RDH12: variants seen among roughly 807,000 people sequenced by gnomAD.
RDH12 encodes the protein retinol dehydrogenase 12.
Under a neutral mutation model 34.0 loss-of-function variants are expected in RDH12, and 21 were observed. The ratio of observed to expected loss-of-function variants is 0.62; its 90% CI spans 0.44 to 0.89. The LOEUF is 0.89. Ranked by LOEUF, RDH12 falls within the 40% of genes least tolerant of loss-of-function variation. The pLI, the probability that RDH12 is intolerant of heterozygous loss-of-function variation, is 0.00. For missense variants in RDH12, 394 were observed against 398.6 expected, an observed-to-expected ratio of 0.99 and a Z score of 0.10; for synonymous variants, 198 against 169.9, an observed-to-expected ratio of 1.17 and a Z score of -1.29.
rs748826639 is a variant in RDH12, at chr14:67,729,196, G to A, written c.664G>A (p.Gly222Arg). ...TTGTGCCCTCTTTGTCCCAGGCACC[G>A]GGGTCACCACCTACGCAGTGCACCC... The part of the protein sequence containing the change: ...RELAKRLQGT[G>R]VTTYAVHPGV... The change falls in exon 8 of 9, where the codon GGG becomes AGG. Residue 222 changes from glycine (G) to arginine (R), a missense_variant. Coordinates refer to ENST00000551171, the MANE Select transcript of RDH12 (RefSeq NM_152443.3). 1.3e-5 allele frequency: 21 copies of A among 1,612,540 alleles called. No individual in the cohort carries two copies. Among genetic ancestry groups the A allele is most frequent in the Non-Finnish European group, 1.7e-5 (20 of 1,179,974 alleles).
Position 67,729,257 on chromosome 14 carries a change from C to A in RDH12, c.725C>A (p.Ser242Tyr). The A allele has an allele frequency of 6.2e-7, 1 of 1,608,970 alleles. No homozygotes were observed. Among genetic ancestry groups the A allele is most frequent in the Non-Finnish European group, 8.5e-7 (1 of 1,179,984 alleles). Residue 242 changes from serine to tyrosine, a missense_variant, in exon 8 of 9, where the codon TCC (serine) becomes TAC (tyrosine). Transcript: ENST00000551171. The part of the protein sequence containing the change: ...VVRSELVRHS[S>Y]LLCLLWRLFS... Reference sequence around the variant, plus strand: ...CGCTCTGAGCTGGTCCGGCACTCCTCCCTGCTCTGCCTGCTCTGGCGGCTC... The same window carrying A: ...CGCTCTGAGCTGGTCCGGCACTCCTACCTGCTCTGCCTGCTCTGGCGGCTC...
chr14:67,707,954 A>G (rs546906920), intron 1 of RDH12, among the ~76,000 whole-genome samples: 2 of 152,322 alleles, frequency 1.3e-5, no homozygotes, highest in South Asian at 2.1e-4. Context: ...TTTGATTCCA[A>G]GGGAAAGCAC....
rs1014229898 is a variant in RDH12, at chr14:67,706,862, T to A, written c.-275+4927T>A. Among the ~76,000 whole-genome samples the A allele has an allele frequency of 2.0e-5, 3 of 152,200 alleles. No individual in the cohort carries two copies. The East Asian group carries it at 5.8e-4, about 29-fold the overall frequency. On this transcript the variant is annotated intron_variant, in intron 1 of 8. Coordinates refer to ENST00000551171, the MANE Select transcript of RDH12 (RefSeq NM_152443.3). ...ATCTCTCTTGGTTAGGATGGTTCGTTCCTAGACAGGTAGGTCCTAAGTTAT... is the reference window on the plus strand; with the variant it reads ...ATCTCTCTTGGTTAGGATGGTTCGTACCTAGACAGGTAGGTCCTAAGTTAT...
rs781099767 is a variant in RDH12, at chr14:67,729,263, T to A, written c.731T>A (p.Leu244His). 1.2e-6 allele frequency: 2 copies of A among 1,607,930 alleles called. No homozygotes were observed. The change falls in exon 8 of 9, where the codon CTC becomes CAC. Residue 244 changes from leucine to histidine, a missense_variant. By Grantham distance (99) the Leu-to-His change is moderately conservative. Transcript: ENST00000551171. ...RSELVRHSSLLCLLWRLFSPF... is the reference protein window; with the variant it reads ...RSELVRHSSLHCLLWRLFSPF... ...GAGCTGGTCCGGCACTCCTCCCTGCTCTGCCTGCTCTGGCGGCTCTTCTCC... is the reference window on the plus strand; with the variant it reads ...GAGCTGGTCCGGCACTCCTCCCTGCACTGCCTGCTCTGGCGGCTCTTCTCC...
At chr14:67,732,226 C>G (rs369693972) in intron 8 of RDH12, among the ~76,000 whole-genome samples, 1 of 151,364 alleles carries the variant, frequency 6.6e-6, no homozygotes, top group Non-Finnish European at 1.5e-5. Flanking sequence ...TGCTTGAGCT[C>G]GGGAATTCCA....
intron 5 of RDH12, 23 bp from the exon 6 acceptor site, chr14:67,726,028 A>C (rs1445212115): frequency 6.6e-7 from 1 of 1,519,316 alleles, no homozygotes; most frequent in Non-Finnish European, 9.1e-7. Flanking sequence ...TAACCATAGG[A>C]TCTCTTTGGT....
chr14:67,717,101 T>A (rs1049336657), intron 1 of RDH12, among the ~76,000 whole-genome samples: 2 of 152,130 alleles, frequency 1.3e-5, no homozygotes, highest in African/African-American at 2.4e-5. Context: ...AGCATGTATA[T>A]ATATCATTCA....
chr14:67,715,971 G>A (rs1460918288), intron 1 of RDH12, among the ~76,000 whole-genome samples: 1 of 152,118 alleles, frequency 6.6e-6, no homozygotes, highest in South Asian at 2.1e-4. Flanking sequence ...CGAGGCGGGC[G>A]GATCACGAGG....
chr14:67,707,894 AG>A (rs1360357734), intron 1 of RDH12, among the ~76,000 whole-genome samples: 3 of 149,622 alleles, frequency 2.0e-5, no homozygotes, highest in Non-Finnish European at 4.5e-5. Context: ...GTGTAGATAA[AG>A]GTAAGAGGCC....
intron 1 of RDH12, among the ~76,000 whole-genome samples, chr14:67,710,729 T>C (rs1249748050): frequency 6.6e-6 from 1 of 152,016 alleles, no homozygotes; most frequent in Non-Finnish European, 1.5e-5. Flanking sequence ...GGACACACTT[T>C]TTTTTTTAGA....
chr14:67,732,021 G>A (rs776094236), intron 8 of RDH12, among the ~76,000 whole-genome samples: 95 of 151,652 alleles, frequency 6.3e-4, no homozygotes, highest in Non-Finnish European at 1.3e-3. Flanking sequence ...CAGCCACTCA[G>A]GAGGCTGAGG....
chr14:67,727,417 C>A, intron 7 of RDH12: 1 of 507,100 alleles, frequency 2.0e-6, no homozygotes, highest in Admixed American at 3.2e-5. Flanking sequence ...TGTGTCACAT[C>A]TTATCTCTTA....
chr14:67,731,207 C>CTCTTT, intron 8 of RDH12, among the ~76,000 whole-genome samples: 1 of 90,622 alleles, frequency 1.1e-5, no homozygotes, highest in Non-Finnish European at 2.0e-5. Context: ...TTCTTTCTTT[C>CTCTTT]TTTTTTTTTT....
intron 1 of RDH12, among the ~76,000 whole-genome samples, chr14:67,719,812 T>A (rs1429865881): frequency 6.6e-6 from 1 of 152,232 alleles, no homozygotes; most frequent in Non-Finnish European, 1.5e-5. Flanking sequence ...GTTTTTTATT[T>A]ATTCTGTTTC....
chr14:67,722,204 T>C (rs1316844978), intron 2 of RDH12, among the ~76,000 whole-genome samples: 1 of 152,166 alleles, frequency 6.6e-6, no homozygotes, highest in Non-Finnish European at 1.5e-5. Context: ...TTTAATCCAC[T>C]CATATTTTAA....
intron 8 of RDH12, among the ~76,000 whole-genome samples, chr14:67,731,710 G>C (rs1431960043): frequency 6.6e-6 from 1 of 152,142 alleles, no homozygotes; most frequent in Non-Finnish European, 1.5e-5. Flanking sequence ...TTTATACATA[G>C]AGAACAGTCT....
chr14:67,707,503 A>T (rs1196255305), intron 1 of RDH12, among the ~76,000 whole-genome samples: 2 of 152,274 alleles, frequency 1.3e-5, no homozygotes, highest in Admixed American at 1.3e-4. Flanking sequence ...ATCTCAGCTC[A>T]CTGCAACCTC....
At chr14:67,719,728 T>G (rs1464732253) in intron 1 of RDH12, among the ~76,000 whole-genome samples, 1 of 152,206 alleles carries the variant, frequency 6.6e-6, no homozygotes, top group Non-Finnish European at 1.5e-5. Context: ...TCCTCCTGCC[T>G]CGGTTTCCCA....
rs957179817 is a variant in RDH12 at position 67,733,852 on chromosome 14, G to A, written c.*4G>A. The A allele has an allele frequency of 6.2e-7, 1 of 1,602,994 alleles. No individual in the cohort carries two copies. Among genetic ancestry groups the A allele is most frequent in the Middle Eastern group, 1.7e-4 (1 of 6,038 alleles). ...TCTAGGAATCCGGTGGGAGTAGCTG[G>A]TGGAAGAGCTGCAGCTTTATCAGGC... On this transcript the variant is annotated 3_prime_UTR_variant, in exon 9 of 9. Transcript: ENST00000551171.
Sources: gnomAD v4.1 joint callset for allele counts (sites outside exome capture counted in the v4.1 genomes callset) on GRCh38, gnomAD v4.1.1 for gene constraint, MANE v1.5 for transcripts, NCBI Gene and HGNC (gene_info 2026-07-23, HGNC 2026-07-21) for gene names.